EXOSC10: variants seen among roughly 807,000 people sequenced by gnomAD.
EXOSC10 encodes exosome complex component 10.
EXOSC10 carries 94 observed loss-of-function variants against 126.6 expected under a neutral mutation model. The observed-to-expected ratio is 0.74, with a 90% CI of 0.63 to 0.88. EXOSC10 has a LOEUF of 0.88. Among genes scored for constraint, EXOSC10 ranks in the 40% least tolerant of loss-of-function variants. The probability of loss-of-function intolerance (pLI) is 0.00; values close to 1 mark genes in which losing one functional copy is unlikely to be tolerated. For missense variants in EXOSC10, 1,041 were observed against 1,100.5 expected, an observed-to-expected ratio of 0.95 and a Z score of 0.77; for synonymous variants, 395 against 400.8, an observed-to-expected ratio of 0.99 and a Z score of 0.17.
At position 11,079,765 on chromosome 1, in the gene EXOSC10, C is replaced by T. The variant is rs1223201433; in HGVS notation, c.1695G>A (p.Gln565=). The T allele has an allele frequency of 6.2e-7, 1 of 1,613,984 alleles. No homozygotes were observed. Among genetic ancestry groups the T allele is most frequent in the Non-Finnish European group, 8.5e-7 (1 of 1,179,960 alleles). Residue 565 remains glutamine (Q), a synonymous_variant, in exon 14 of 25, where the codon CAG becomes CAA. Transcript: ENST00000376936. ...CNPVPPLVRQ[Q]INEMHLLIQQ... The stretch of plus-strand genomic sequence containing the variant: ...GGATTAAAAGGTGCATTTCGTTGAT[C>T]TGCTGCCGCACAAGGGGCGGTACTG...
chr1:11,072,865 A>G (rs1391538082), intron 19 of EXOSC10: 1 of 152,220 alleles, frequency 6.6e-6, no homozygotes, highest in Non-Finnish European at 1.5e-5. Context: ...TGCGAACAAC[A>G]GTTCACGTTC....
At chr1:11,069,031 G>A (rs1487869500) in intron 22 of EXOSC10, 1 of 368,188 alleles carries the variant, frequency 2.7e-6, no homozygotes, top group Non-Finnish European at 5.0e-6. Flanking sequence ...CTCGGGCTCT[G>A]AGGCGACACT....
chr1:11,082,547 C>A (rs1640228031), intron 10 of EXOSC10, 141 bp downstream of exon 10: 1 of 1,499,270 alleles, frequency 6.7e-7, no homozygotes, highest in Non-Finnish European at 8.9e-7. Context: ...TTTTACGCTG[C>A]TGAAGATGCC....
At chr1:11,070,618 G>C (rs561214685) in intron 21 of EXOSC10, 1 of 342,238 alleles carries the variant, frequency 2.9e-6, no homozygotes, top group Admixed American at 4.4e-5. Context: ...CACACAACAA[G>C]CTTCAGCACT....
rs1368233734 is a variant in EXOSC10 at position 11,096,477 on chromosome 1, T to TTTCC, written c.249-597_249-596insGGAA. Reference sequence around the variant, plus strand: ...TTTCTTTCTTTCTTTCTTTCTTTTTTTTTTTTTTTTTTTTAAAGAGACAGG... The same window carrying TTTCC: ...TTTCTTTCTTTCTTTCTTTCTTTTTTTTCCTTTTTTTTTTTTTTAAAGAGACAGG... On this transcript the variant is annotated intron_variant, in intron 2 of 24. Transcript: ENST00000376936. Among the ~76,000 whole-genome samples the TTTCC allele has an allele frequency of 3.3e-3, 483 of 147,946 alleles. 6 individuals carry two copies. Among genetic ancestry groups the TTTCC allele is most frequent in the African/African-American group, 0.011 (456 of 40,142 alleles).
chr1:11,080,696 C>A, intron 12 of EXOSC10, 68 bp downstream of exon 12: 1 of 1,602,338 alleles, frequency 6.2e-7, no homozygotes, highest in Non-Finnish European at 8.5e-7. Flanking sequence ...GAAAAAAGCC[C>A]ATTATTTACT....
intron 9 of EXOSC10, among the ~76,000 whole-genome samples, chr1:11,084,833 C>A (rs1396851674): frequency 2.0e-5 from 3 of 152,176 alleles, no homozygotes; most frequent in Non-Finnish European, 2.9e-5. Context: ...CCAGTTTCAG[C>A]TTTCTACATA....
intron 17 of EXOSC10, among the ~76,000 whole-genome samples, chr1:11,075,139 T>G (rs1376971103): frequency 6.6e-6 from 1 of 152,108 alleles, no homozygotes; most frequent in Non-Finnish European, 1.5e-5. Flanking sequence ...TTCAAGTGAT[T>G]CTCCTGCCTC....
intron 10 of EXOSC10, among the ~76,000 whole-genome samples, chr1:11,081,458 T>C (rs914201878): frequency 1.3e-5 from 2 of 152,174 alleles, no homozygotes; most frequent in Admixed American, 6.5e-5. Context: ...GTGGTTAAAA[T>C]AAGGGCACTG....
At chr1:11,076,476 C>T (rs1570803417) in intron 17 of EXOSC10, among the ~76,000 whole-genome samples, 1 of 152,242 alleles carries the variant, frequency 6.6e-6, no homozygotes, top group East Asian at 1.9e-4. Flanking sequence ...CCCTGCTGGG[C>T]ATCCAGGTGA....
At position 11,077,283 on chromosome 1, in the gene EXOSC10, G is replaced by A. The variant is rs559170110; in HGVS notation, c.1879+82C>T. 44 of 1,435,438 alleles carry A rather than the reference G, an allele frequency of 3.1e-5. 3 individuals are homozygous for A. The Admixed American group carries it at 4.1e-4, about 13-fold the overall frequency. 88.9% of individuals were successfully genotyped at this position (1,435,438 alleles called of 1,614,324 possible). ...TGGCATTACAGGCATAAGCCACCACGCCCGGCCAAGCCTACAGAATTTTAG... is the reference window on the plus strand; with the variant it reads ...TGGCATTACAGGCATAAGCCACCACACCCGGCCAAGCCTACAGAATTTTAG... On this transcript the variant is annotated intron_variant, in intron 16 of 24. Coordinates refer to ENST00000376936, the MANE Select transcript of EXOSC10 (RefSeq NM_001001998.3).
intron 9 of EXOSC10, among the ~76,000 whole-genome samples, chr1:11,083,662 A>G (rs1249731762): frequency 1.3e-5 from 2 of 151,636 alleles, no homozygotes; most frequent in Non-Finnish European, 2.9e-5. Flanking sequence ...GTTTTAGGGT[A>G]CATGTGCACA....
chr1:11,089,402 G>T (rs1430961442), intron 6 of EXOSC10, among the ~76,000 whole-genome samples: 2 of 151,304 alleles, frequency 1.3e-5, no homozygotes, highest in African/African-American at 4.9e-5. Flanking sequence ...CTGAAGTCAG[G>T]AGTTCGAGAC....
intron 22 of EXOSC10, 171 bp from the exon 23 acceptor site, chr1:11,068,877 T>C (rs1305341421): frequency 1.6e-6 from 1 of 623,600 alleles, no homozygotes; most frequent in East Asian, 2.7e-5. Flanking sequence ...TACATAGCGA[T>C]CCTGGTCCCT....
chr1:11,081,321 C>T (rs1640155739), intron 10 of EXOSC10, 83 bp from the exon 11 acceptor site: 1 of 1,452,296 alleles, frequency 6.9e-7, no homozygotes, highest in Non-Finnish European at 9.5e-7. Flanking sequence ...GCTGGGACTT[C>T]CTTAGACCCT....
At chr1:11,067,440 A>AG (rs987064253) in intron 24 of EXOSC10, among the ~76,000 whole-genome samples, 6 of 130,384 alleles carry the variant, frequency 4.6e-5, no homozygotes, top group East Asian at 5.6e-4. Context: ...TCAAAGAAGA[A>AG]AAAAAAAAAA....
intron 9 of EXOSC10, among the ~76,000 whole-genome samples, chr1:11,084,354 C>T (rs1424017148): frequency 3.3e-5 from 5 of 152,122 alleles, no homozygotes; most frequent in Admixed American, 2.0e-4. Context: ...ACTGTGGTTT[C>T]GATTTGCATT....
At chr1:11,069,942 G>C (rs1639360885) in intron 21 of EXOSC10, among the ~76,000 whole-genome samples, 1 of 152,170 alleles carries the variant, frequency 6.6e-6, no homozygotes. Context: ...GGTCATTTAA[G>C]AAAGGCAAGC....
intron 10 of EXOSC10, among the ~76,000 whole-genome samples, chr1:11,082,039 G>A (rs1179081085): frequency 4.7e-5 from 7 of 149,538 alleles, no homozygotes; most frequent in African/African-American, 1.2e-4. Flanking sequence ...CCGAGATCGC[G>A]CCATTGCACT....
Sources: gnomAD v4.1 joint callset for allele counts (sites outside exome capture counted in the v4.1 genomes callset) on GRCh38, gnomAD v4.1.1 for gene constraint, MANE v1.5 for transcripts, NCBI Gene and HGNC (gene_info 2026-07-23, HGNC 2026-07-21) for gene names.